GLIS3: variants seen among roughly 807,000 people sequenced by gnomAD.
The protein encoded by GLIS3 is zinc finger protein GLIS3.
Under a neutral mutation model 78.6 loss-of-function variants are expected in GLIS3, and 53 were observed. That is an observed-to-expected ratio of 0.67 (90% CI 0.54 to 0.85). GLIS3 has a LOEUF of 0.85. GLIS3 is among the 40% of genes least tolerant of loss of function. The probability of loss-of-function intolerance (pLI) is 0.00; values close to 1 mark genes in which losing one functional copy is unlikely to be tolerated. For missense variants in GLIS3, 1,703 were observed against 1,231.1 expected (o/e 1.38, Z -5.74); for synonymous variants, 684 against 509.9 (o/e 1.34, Z -4.60).
chr9:4,462,805 G>C, the GLIS3 span, among the ~76,000 whole-genome samples: 2 of 152,000 alleles, frequency 1.3e-5, no homozygotes, highest in Non-Finnish European at 2.9e-5. Flanking sequence ...GCAAGATCTT[G>C]CCTCAAAAAA....
chr9:4,156,119 T>A (rs997589532), intron 2 of GLIS3, among the ~76,000 whole-genome samples: 1 of 152,158 alleles, frequency 6.6e-6, no homozygotes, highest in East Asian at 1.9e-4. Flanking sequence ...ACCTCTTGTG[T>A]GGCCATTCCT....
chr9:3,900,301 TAAA>T (rs914608084), intron 6 of GLIS3, among the ~76,000 whole-genome samples: 1 of 149,976 alleles, frequency 6.7e-6, no homozygotes, highest in South Asian at 2.1e-4. Flanking sequence ...ATCAAAAACT[TAAA>T]AAAAAACAGT....
chr9:4,194,035 CCGCTT>C (rs1273582994), intron 2 of GLIS3, among the ~76,000 whole-genome samples: 4 of 152,112 alleles, frequency 2.6e-5, no homozygotes, highest in African/African-American at 9.7e-5. Context: ...TTTGGCCTTG[CCGCTT>C]TATTTTTATT....
chr9:4,345,781 A>T (rs1175946225), intron 2 of GLIS3, among the ~76,000 whole-genome samples: 1 of 152,218 alleles, frequency 6.6e-6, no homozygotes, highest in Non-Finnish European at 1.5e-5. Context: ...AAGATAAAGC[A>T]AAAAGAGCTG....
chr9:4,054,217 G>T (rs1825953317), intron 4 of GLIS3: 1 of 546,778 alleles, frequency 1.8e-6, no homozygotes, highest in African/African-American at 2.1e-5. Context: ...CTCACCAGCA[G>T]AACATCAGCT....
chr9:4,018,922 G>A (rs1008466030), intron 4 of GLIS3, among the ~76,000 whole-genome samples: 1 of 152,178 alleles, frequency 6.6e-6, no homozygotes. Flanking sequence ...GACAGGCTGA[G>A]GTTCAAATTC....
chr9:4,362,196 G>C, the GLIS3 span, among the ~76,000 whole-genome samples: 4 of 152,224 alleles, frequency 2.6e-5, no homozygotes, highest in African/African-American at 9.6e-5. Flanking sequence ...CCTGAAACCA[G>C]TGGAAAGGGG....
At chr9:4,302,538 A>C (rs1335298165), upstream of GLIS3, among the ~76,000 whole-genome samples, 1 of 152,250 alleles carries the variant, frequency 6.6e-6, no homozygotes. Flanking sequence ...ACCCTCAAGA[A>C]ATGGGGACTC....
chr9:4,088,443 G>A (rs897825113), intron 4 of GLIS3, among the ~76,000 whole-genome samples: 4 of 152,210 alleles, frequency 2.6e-5, no homozygotes, highest in Non-Finnish European at 5.9e-5. Context: ...ATGAATGACA[G>A]CCAACAGAAG....
At chr9:3,979,478 G>A (rs1819062680) in intron 4 of GLIS3, among the ~76,000 whole-genome samples, 1 of 152,212 alleles carries the variant, frequency 6.6e-6, no homozygotes, top group Admixed American at 6.5e-5. Flanking sequence ...CCATTTCATT[G>A]CTCTGCACCA....
chr9:4,178,997 A>G (rs1409115765), intron 2 of GLIS3, among the ~76,000 whole-genome samples: 1 of 152,224 alleles, frequency 6.6e-6, no homozygotes, highest in African/African-American at 2.4e-5. Flanking sequence ...TAGGGCTGCA[A>G]TTACCAGAGT....
At chr9:4,407,209 A>G in the GLIS3 span, among the ~76,000 whole-genome samples, 3 of 152,244 alleles carry the variant, frequency 2.0e-5, no homozygotes, top group Non-Finnish European at 4.4e-5. Context: ...AGTCTCTTCA[A>G]TAAGTGACAC....
intron 2 of GLIS3, among the ~76,000 whole-genome samples, chr9:4,331,841 C>T: frequency 6.6e-6 from 1 of 152,186 alleles, no homozygotes; most frequent in Middle Eastern, 3.4e-3. Context: ...AGAGAGAACA[C>T]ATGAACAAAG....
chr9:4,133,906 A>G (rs1470945294), intron 2 of GLIS3, among the ~76,000 whole-genome samples: 8 of 151,196 alleles, frequency 5.3e-5, no homozygotes, highest in Non-Finnish European at 1.2e-4. Flanking sequence ...AACGGGATCC[A>G]GGTTTTATTT....
intron 4 of GLIS3, among the ~76,000 whole-genome samples, chr9:3,990,715 C>A (rs1445177677): frequency 6.6e-6 from 1 of 152,160 alleles, no homozygotes; most frequent in Non-Finnish European, 1.5e-5. Flanking sequence ...AAGGGTGTAA[C>A]TAACCTGAAA....
the GLIS3 span, among the ~76,000 whole-genome samples, chr9:4,443,735 A>G: frequency 6.6e-6 from 1 of 152,226 alleles, no homozygotes; most frequent in African/African-American, 2.4e-5. Context: ...TAACAGGCTT[A>G]TATGTCAAAT....
chr9:4,167,903 C>T (rs1208364389), intron 2 of GLIS3, among the ~76,000 whole-genome samples: 1 of 152,174 alleles, frequency 6.6e-6, no homozygotes, highest in Non-Finnish European at 1.5e-5. Context: ...TCTGATTACT[C>T]CTCTACACTG....
At chr9:4,381,301 T>C in the GLIS3 span, among the ~76,000 whole-genome samples, 1 of 151,292 alleles carries the variant, frequency 6.6e-6, no homozygotes, top group Admixed American at 6.6e-5. Context: ...GTATAAAGAA[T>C]GAATTACATG....
intron 2 of GLIS3, among the ~76,000 whole-genome samples, chr9:4,167,571 A>G (rs779186820): frequency 1.3e-5 from 2 of 152,176 alleles, no homozygotes; most frequent in Non-Finnish European, 2.9e-5. Flanking sequence ...CAGGTGCCCA[A>G]TATATGCTTG....
Sources: gnomAD v4.1 joint callset for allele counts (sites outside exome capture counted in the v4.1 genomes callset) on GRCh38, gnomAD v4.1.1 for gene constraint, MANE v1.5 for transcripts, NCBI Gene and HGNC (gene_info 2026-07-23, HGNC 2026-07-21) for gene names.